Variants in ABCG4 observed in about 807,000 individuals in gnomAD.
ABCG4 encodes ATP binding cassette subfamily G member 4.
Under a neutral mutation model 64.6 loss-of-function variants are expected in ABCG4, and 35 were observed. The observed-to-expected ratio is 0.54, with a 90% CI of 0.41 to 0.72. The LOEUF (loss-of-function observed/expected upper bound fraction) is 0.72, where lower values mean the gene tolerates loss of function less well. Among genes scored for constraint, ABCG4 ranks in the 30% least tolerant of loss-of-function variants. The probability of loss-of-function intolerance (pLI) is 0.00; values close to 1 mark genes in which losing one functional copy is unlikely to be tolerated. For missense variants in ABCG4, 610 were observed against 846.3 expected, an observed-to-expected ratio of 0.72 and a Z score of 3.46; for synonymous variants, 326 against 348.2, an observed-to-expected ratio of 0.94 and a Z score of 0.71.
rs1337674865 is a variant in ABCG4, at chr11:119,149,244, C to T, written c.-132C>T. On this transcript the variant is annotated 5_prime_UTR_variant, in exon 1 of 15. Coordinates refer to ENST00000619701, the MANE Select transcript of ABCG4 (RefSeq NM_022169.5). The surrounding 1 kb of genome is among the most constrained non-coding windows in gnomAD (Gnocchi z 8.3). Reference sequence around the variant, plus strand: ...CCCGCCCCGGCCCGGGCCGCCGGGACCGGGAGCCGGGACGCGGGTGCCGCA... The same window carrying T: ...CCCGCCCCGGCCCGGGCCGCCGGGATCGGGAGCCGGGACGCGGGTGCCGCA... The T allele has an allele frequency of 6.6e-6, 1 of 150,740 alleles. No individual in the cohort carries two copies. The highest frequency in any genetic ancestry group is 1.5e-5 in the Non-Finnish European group (1 of 67,486). 9.3% of individuals were successfully genotyped at this position (150,740 alleles called of 1,614,324 possible).
At position 119,162,241 on chromosome 11, in the gene ABCG4, C is replaced by G. The variant is rs564820458; in HGVS notation, c.*1135C>G. 2 of 152,770 alleles carry G rather than the reference C, an allele frequency of 1.3e-5. No homozygotes were observed. Among genetic ancestry groups the G allele is most frequent in the Non-Finnish European group, 2.9e-5 (2 of 68,130 alleles). 9.5% of individuals were successfully genotyped at this position (152,770 alleles called of 1,614,324 possible). A position where few individuals can be genotyped will look rare whatever the true frequency, so the allele number is the denominator to read the frequency against. On this transcript the variant is annotated 3_prime_UTR_variant, in exon 15 of 15. Coordinates refer to ENST00000619701, the MANE Select transcript of ABCG4 (RefSeq NM_022169.5). Reference sequence around the variant, plus strand: ...GATCCCTGGAGTTCAGGAACCAACACAAGCACAACCACGGGCATAAGTTGG... The same window carrying G: ...GATCCCTGGAGTTCAGGAACCAACAGAAGCACAACCACGGGCATAAGTTGG...
In ABCG4 at chr11:119,154,412, C is replaced by T. The variant is rs1298869019; in HGVS notation, c.489+20C>T. 1.6e-5 allele frequency: 26 copies of T among 1,614,100 alleles called. No homozygotes were observed. Among genetic ancestry groups the T allele is most frequent in the Admixed American group, 1.3e-4 (8 of 60,008 alleles). ...ATGATGGTGAGGGCTGGATAGTCACCCCTCCTCCCAGCAACCCCCTCTGTC... is the reference window on the plus strand; with the variant it reads ...ATGATGGTGAGGGCTGGATAGTCACTCCTCCTCCCAGCAACCCCCTCTGTC... On this transcript the variant is annotated intron_variant, in intron 4 of 14. Transcript: ENST00000619701. This position sits in a 1 kb window ranked among gnomAD's most constrained non-coding sequence, Gnocchi z 7.0.
chr11:119,150,442 T>A lies in ABCG4; in HGVS notation c.238+239T>A, dbSNP rs1948181150. The stretch of plus-strand genomic sequence containing the variant: ...GCAATTGGTTATTGAAGCTGTATCT[T>A]CTAAAGAGATCCCGTGACCTCTGGT... On this transcript the variant is annotated intron_variant, in intron 2 of 14. Transcript: ENST00000619701. The surrounding 1 kb of genome is among the most constrained non-coding windows in gnomAD (Gnocchi z 4.3). Among the ~76,000 whole-genome samples, 1 of 152,212 alleles carries A rather than the reference T, an allele frequency of 6.6e-6. No homozygotes were observed. The highest frequency in any genetic ancestry group is 2.1e-4 in the South Asian group (1 of 4,834).
In ABCG4 at chr11:119,160,880, G is replaced by A. The variant is rs773196637; in HGVS notation, c.1716-1G>A. On this transcript the variant is annotated splice_acceptor_variant, in intron 14 of 14. Transcript: ENST00000619701. LOFTEE classifies it high-confidence loss of function. This position sits in a 1 kb window ranked among gnomAD's most constrained non-coding sequence, Gnocchi z 4.6. ...CCCATCTGATATCCCTGCCTGCCTA[G>A]GTATGGCTTTGAGGGTGTGATCCTG... The A allele has an allele frequency of 6.2e-7, 1 of 1,613,114 alleles. No individual in the cohort carries two copies. Among genetic ancestry groups the A allele is most frequent in the South Asian group, 1.1e-5 (1 of 90,998 alleles).
rs1328282326 is a variant in ABCG4, at chr11:119,156,170, A to G, written c.687-159A>G. On this transcript the variant is annotated intron_variant, in intron 6 of 14. Coordinates refer to ENST00000619701, the MANE Select transcript of ABCG4 (RefSeq NM_022169.5). This position sits in a 1 kb window ranked among gnomAD's most constrained non-coding sequence, Gnocchi z 5.5. Reference sequence around the variant, plus strand: ...TGAACAGTGCTCTTGGCTTCTGGGTATCCCTCCAAGTGCCTGAACCGTAAA... The same window carrying G: ...TGAACAGTGCTCTTGGCTTCTGGGTGTCCCTCCAAGTGCCTGAACCGTAAA... 4 of 894,624 alleles carry G rather than the reference A, an allele frequency of 4.5e-6. No individual in the cohort carries two copies. The highest frequency in any genetic ancestry group is 3.2e-5 in the South Asian group (2 of 61,926). 55.4% of individuals were successfully genotyped at this position (894,624 alleles called of 1,614,324 possible).
chr11:119,150,300 A>C lies in ABCG4; in HGVS notation c.238+97A>C. The stretch of plus-strand genomic sequence containing the variant: ...GTGTCCCATGTTCGGAAAGTCCTGC[A>C]CCAGTGGGCTCTGTGGAAACACTAA... On this transcript the variant is annotated intron_variant, in intron 2 of 14. Transcript: ENST00000619701. The surrounding 1 kb of genome is among the most constrained non-coding windows in gnomAD (Gnocchi z 4.3). 1 of 1,488,998 alleles carries C rather than the reference A, an allele frequency of 6.7e-7. No individual in the cohort carries two copies. The highest frequency in any genetic ancestry group is 1.3e-5 in the South Asian group (1 of 79,122). 92.2% of individuals were successfully genotyped at this position (1,488,998 alleles called of 1,614,324 possible). A position where few individuals can be genotyped will look rare whatever the true frequency, so the allele number is the denominator to read the frequency against.
Position 119,149,882 on chromosome 11 carries a change from C to T in ABCG4, c.-12-72C>T. ...AGGTGGGCAGTGGGGGCGGGGGAAG[C>T]ATTAGAACGCCAGGGAGCTTTGAGC... On this transcript the variant is annotated intron_variant, in intron 1 of 14. Coordinates refer to ENST00000619701, the MANE Select transcript of ABCG4 (RefSeq NM_022169.5). This position sits in a 1 kb window ranked among gnomAD's most constrained non-coding sequence, Gnocchi z 8.3. 2 of 1,519,130 alleles carry T rather than the reference C, an allele frequency of 1.3e-6. No individual in the cohort carries two copies. Among genetic ancestry groups the T allele is most frequent in the African/African-American group, 1.4e-5 (1 of 72,802 alleles). 94.1% of individuals were successfully genotyped at this position (1,519,130 alleles called of 1,614,324 possible). A position where few individuals can be genotyped will look rare whatever the true frequency, so the allele number is the denominator to read the frequency against.
chr11:119,160,780 T>A lies in ABCG4; in HGVS notation c.1716-101T>A. The A allele has an allele frequency of 6.7e-7, 1 of 1,495,784 alleles. No homozygotes were observed. The highest frequency in any genetic ancestry group is 9.2e-7 in the Non-Finnish European group (1 of 1,082,014). The allele number at this position is 1,495,784 out of a possible 1,614,324, so 92.7% of individuals were successfully genotyped here. On this transcript the variant is annotated intron_variant, in intron 14 of 14. Transcript: ENST00000619701. This position sits in a 1 kb window ranked among gnomAD's most constrained non-coding sequence, Gnocchi z 4.6. ...ATCCTTTGGGCAGGGGCACCCTGGC[T>A]GCACCCCAGGGATGACAGCATTGCA...
At position 119,154,755 on chromosome 11, in the gene ABCG4, G is replaced by C; in HGVS notation, c.541-15G>C. 9 of 1,604,430 alleles carry C rather than the reference G, an allele frequency of 5.6e-6. No individual in the cohort carries two copies. The highest frequency in any genetic ancestry group is 7.7e-6 in the Non-Finnish European group (9 of 1,172,720). Reference sequence around the variant, plus strand: ...AGACTCCGAAGCTGACCTGGCATGGGTGGGGTGGGGCCAGGTGACAGAGAT... The same window carrying C: ...AGACTCCGAAGCTGACCTGGCATGGCTGGGGTGGGGCCAGGTGACAGAGAT... On this transcript the variant is annotated splice_polypyrimidine_tract_variant and intron_variant, in intron 5 of 14. Transcript: ENST00000619701. This position sits in a 1 kb window ranked among gnomAD's most constrained non-coding sequence, Gnocchi z 7.0.
At position 119,161,000 on chromosome 11, in the gene ABCG4, A is replaced by G. The variant is rs910178934; in HGVS notation, c.1835A>G (p.Glu612Gly). Residue 612 changes from glutamate (E) to glycine (G), a missense_variant, in exon 15 of 15, where the codon GAG (glutamate) becomes GGG (glycine). Transcript: ENST00000619701. This position sits in a 1 kb window ranked among gnomAD's most constrained non-coding sequence, Gnocchi z 4.6. The part of the protein sequence containing the change: ...PQSILRALDV[E>G]DAKLYMDFLV... Reference sequence around the variant, plus strand: ...AGCATCCTCCGAGCGCTGGATGTGGAGGATGCCAAGCTCTACATGGACTTC... The same window carrying G: ...AGCATCCTCCGAGCGCTGGATGTGGGGGATGCCAAGCTCTACATGGACTTC... 2.5e-6 allele frequency: 4 copies of G among 1,613,924 alleles called. No homozygotes were observed. The highest frequency in any genetic ancestry group is 3.3e-5 in the Admixed American group (2 of 59,988).
Position 119,154,500 on chromosome 11 carries a change from T to C in ABCG4, c.490-25T>C. Reference sequence around the variant, plus strand: ...GCAGAGCTCCCTCCCACACATACTTTTCTTGCTTACTCTCTGGGCCCCAGG... The same window carrying C: ...GCAGAGCTCCCTCCCACACATACTTCTCTTGCTTACTCTCTGGGCCCCAGG... On this transcript the variant is annotated intron_variant, in intron 4 of 14. Coordinates refer to ENST00000619701, the MANE Select transcript of ABCG4 (RefSeq NM_022169.5). The surrounding 1 kb of genome is among the most constrained non-coding windows in gnomAD (Gnocchi z 7.0). The C allele has an allele frequency of 1.2e-6, 2 of 1,614,076 alleles. No homozygotes were observed. Among genetic ancestry groups the C allele is most frequent in the East Asian group, 2.2e-5 (1 of 44,874 alleles).
At chr11:119,153,573 G>C (rs181609579) in intron 2 of ABCG4, 1 of 170,414 alleles carries the variant, frequency 5.9e-6, no homozygotes, top group Non-Finnish European at 1.3e-5. Context: ...TGGGAGAGCT[G>C]GTCAAGTGAC....
In ABCG4 at chr11:119,150,042, A is replaced by T. The variant is rs1948173080; in HGVS notation, c.77A>T (p.Asp26Val). The T allele has an allele frequency of 1.2e-6, 2 of 1,613,526 alleles. No individual in the cohort carries two copies. The highest frequency in any genetic ancestry group is 1.7e-5 in the Admixed American group (1 of 60,000). ...GAVAMAVTLE[D>V]GAEPPVLTTH... ...GTGGCCATGGCCGTGACGCTGGAGG[A>T]CGGGGCGGAACCCCCTGTGCTGACC... The change falls in exon 2 of 15, where the codon GAC (aspartate) becomes GTC (valine). Residue 26 changes from aspartate to valine, a missense_variant. Coordinates refer to ENST00000619701, the MANE Select transcript of ABCG4 (RefSeq NM_022169.5). This position sits in a 1 kb window ranked among gnomAD's most constrained non-coding sequence, Gnocchi z 4.3.
intron 12 of ABCG4, among the ~76,000 whole-genome samples, chr11:119,159,511 C>A (rs982447980): frequency 2.0e-5 from 3 of 152,184 alleles, no homozygotes; most frequent in African/African-American, 7.2e-5. Flanking sequence ...AAAGTGTACC[C>A]ATCTATAAAA....
chr11:119,159,224 C>A (rs1471938558), intron 12 of ABCG4, among the ~76,000 whole-genome samples: 1 of 152,336 alleles, frequency 6.6e-6, no homozygotes, highest in South Asian at 2.1e-4. Context: ...CAGTGGCTTG[C>A]GCCTGTAATC....
In ABCG4 at chr11:119,150,177, G is replaced by C. The variant is rs765941668; in HGVS notation, c.212G>C (p.Arg71Pro). Residue 71 changes from arginine to proline, a missense_variant, in exon 2 of 15, where the codon CGG becomes CCG. Physicochemically the swap from Arg to Pro is moderately radical, Grantham distance 103. Transcript: ENST00000619701. The surrounding 1 kb of genome is among the most constrained non-coding windows in gnomAD (Gnocchi z 4.3). The part of the protein sequence containing the change: ...IEFVELSYSV[R>P]EGPCWRKRGY... ...TTCGTGGAGCTGTCCTATTCCGTGC[G>C]GGAGGGGCCCTGCTGGCGCAAAAGG... 6.2e-7 allele frequency: 1 copy of C among 1,614,042 alleles called. No homozygotes were observed. The highest frequency in any genetic ancestry group is 1.1e-5 in the South Asian group (1 of 91,082).
intron 2 of ABCG4, chr11:119,153,752 C>T (rs1314756266): frequency 6.9e-6 from 3 of 437,736 alleles, no homozygotes; most frequent in East Asian, 4.3e-5. Context: ...GATCCCCTCT[C>T]CACGCCCATC....
Position 119,154,189 on chromosome 11 carries a change from G to A in ABCG4, c.356+46G>A. On this transcript the variant is annotated intron_variant, in intron 3 of 14. Transcript: ENST00000619701. This position sits in a 1 kb window ranked among gnomAD's most constrained non-coding sequence, Gnocchi z 7.0. Reference sequence around the variant, plus strand: ...GAATGGAGGCAGGACTCAGGAAGAAGTATCCCTTGGGGAACACAGAAGGTA... The same window carrying A: ...GAATGGAGGCAGGACTCAGGAAGAAATATCCCTTGGGGAACACAGAAGGTA... 6.2e-7 allele frequency: 1 copy of A among 1,613,496 alleles called. No homozygotes were observed. Among genetic ancestry groups the A allele is most frequent in the Non-Finnish European group, 8.5e-7 (1 of 1,179,438 alleles).
At chr11:119,157,370 T>TCC in intron 9 of ABCG4, among the ~76,000 whole-genome samples, 1 of 152,356 alleles carries the variant, frequency 6.6e-6, no homozygotes, top group African/African-American at 2.4e-5. Flanking sequence ...GAGATGATGA[T>TCC]ACTCACCTCA....
Sources: gnomAD v4.1 joint callset for allele counts (sites outside exome capture counted in the v4.1 genomes callset) on GRCh38, gnomAD v4.1.1 for gene constraint, Gnocchi (gnomAD v3.1) non-coding constraint, MANE v1.5 for transcripts, NCBI Gene and HGNC (gene_info 2026-07-23, HGNC 2026-07-21) for gene names.